Variants in SETBP1 observed in about 807,000 individuals in gnomAD.
SETBP1 encodes SET binding protein 1, also known as SET-binding protein.
In SETBP1, 9 loss-of-function variants were observed where a neutral mutation model predicts 101.0. The ratio of observed to expected loss-of-function variants is 0.09; its 90% CI spans 0.05 to 0.16. SETBP1 has a LOEUF of 0.16. SETBP1 is among the 10% of genes least tolerant of loss of function. SETBP1 has a pLI of 1.00. For synonymous variants in SETBP1, 818 were observed against 788.5 expected (o/e 1.04, Z -0.63); for missense variants, 1,858 against 2,033.8 (o/e 0.91, Z 1.66).
At chr18:44,777,376 C>T (rs2071026570) in intron 2 of SETBP1, among the ~76,000 whole-genome samples, 1 of 152,240 alleles carries the variant, frequency 6.6e-6, no homozygotes, top group Admixed American at 6.5e-5. Context: ...TTCTCTGAAA[C>T]TCAGAGTCAA....
intron 3 of SETBP1, among the ~76,000 whole-genome samples, chr18:44,890,654 C>A (rs1165079813): frequency 1.3e-5 from 2 of 152,060 alleles, no homozygotes; most frequent in East Asian, 1.9e-4. Context: ...AAGAAGGTGA[C>A]CTGTGGACTA....
intron 3 of SETBP1, among the ~76,000 whole-genome samples, chr18:44,898,626 T>C (rs1314375917): frequency 6.6e-6 from 1 of 152,148 alleles, no homozygotes. Flanking sequence ...CTTCTCCCAG[T>C]CTTCATGAAA....
chr18:44,739,122 A>C (rs2070043946), intron 2 of SETBP1, among the ~76,000 whole-genome samples: 1 of 152,086 alleles, frequency 6.6e-6, no homozygotes, highest in African/African-American at 2.4e-5. Flanking sequence ...GGTTCTACCT[A>C]TTCTGTTTGC....
Position 44,701,561 on chromosome 18 carries a change from A to G in SETBP1, c.215A>G (p.Asn72Ser), listed in dbSNP as rs1015494029. Residue 72 changes from asparagine (N) to serine (S), a missense_variant, in exon 2 of 6, where the codon AAC becomes AGC. By Grantham distance (46) the Asn-to-Ser change is conservative (BLOSUM62 1). Around this residue, in one of 12 missense-constraint regions of SETBP1, gnomAD observed 97 missense variants for 101.2 expected, o/e 0.96. Coordinates refer to ENST00000649279, the MANE Select transcript of SETBP1 (RefSeq NM_015559.3). ...ELGSGRDVDS[N>S]SNADSEKWVA... ...GGCTCAGGGCGGGATGTGGATTCCA[A>G]CTCCAACGCGGACAGTGAGAAATGG... 1.9e-6 allele frequency: 3 copies of G among 1,613,898 alleles called. No homozygotes were observed. Among genetic ancestry groups the G allele is most frequent in the African/African-American group, 2.7e-5 (2 of 74,876 alleles).
intron 2 of SETBP1, among the ~76,000 whole-genome samples, chr18:44,846,055 A>C (rs926968385): frequency 6.6e-6 from 1 of 152,118 alleles, no homozygotes; most frequent in African/African-American, 2.4e-5. Context: ...CCTCATGTTG[A>C]AATGGAAAAC....
chr18:44,878,464 T>C (rs2069459267), intron 3 of SETBP1, among the ~76,000 whole-genome samples: 1 of 152,222 alleles, frequency 6.6e-6, no homozygotes, highest in African/African-American at 2.4e-5. Flanking sequence ...TGTCTGTGTT[T>C]ATTACTAGAT....
intron 4 of SETBP1, among the ~76,000 whole-genome samples, chr18:45,020,302 TCTC>T (rs2073033405): frequency 7.9e-6 from 1 of 127,214 alleles, no homozygotes; most frequent in African/African-American, 3.0e-5. Flanking sequence ...AAAAGTGGCT[TCTC>T]CTCGAAGGCA....
chr18:44,944,472 T>C (rs2071157171), intron 3 of SETBP1, among the ~76,000 whole-genome samples: 1 of 152,206 alleles, frequency 6.6e-6, no homozygotes, highest in Admixed American at 6.5e-5. Flanking sequence ...TTAAAATGCA[T>C]ATGCCTCATT....
intron 3 of SETBP1, among the ~76,000 whole-genome samples, chr18:44,918,497 A>G (rs1286264797): frequency 6.6e-6 from 1 of 152,368 alleles, no homozygotes; most frequent in South Asian, 2.1e-4. Context: ...CCATTGGACT[A>G]TCAAGAAATG....
chr18:44,861,181 T>C (rs567344438), intron 2 of SETBP1, among the ~76,000 whole-genome samples: 1 of 151,718 alleles, frequency 6.6e-6, no homozygotes, highest in African/African-American at 2.4e-5. Flanking sequence ...CAGGGCTTCT[T>C]AGCGCACAGT....
chr18:44,715,187 T>C (rs2069436031), intron 2 of SETBP1, among the ~76,000 whole-genome samples: 1 of 152,220 alleles, frequency 6.6e-6, no homozygotes. Flanking sequence ...ACCTGGTTGT[T>C]TCTGCTGCTT....
intron 2 of SETBP1, among the ~76,000 whole-genome samples, chr18:44,742,511 T>C (rs930486745): frequency 8.5e-5 from 13 of 152,222 alleles, no homozygotes; most frequent in Non-Finnish European, 1.8e-4. Context: ...TTGCTTTTCA[T>C]GATTTGACCA....
intron 2 of SETBP1, among the ~76,000 whole-genome samples, chr18:44,856,803 A>T (rs192623695): frequency 6.6e-6 from 1 of 152,250 alleles, no homozygotes; most frequent in Non-Finnish European, 1.5e-5. Flanking sequence ...TGCTGTTAAC[A>T]TGCACATGTC....
intron 1 of SETBP1, among the ~76,000 whole-genome samples, chr18:44,682,202 T>C (rs1312087332): frequency 6.6e-6 from 1 of 152,208 alleles, no homozygotes; most frequent in Admixed American, 6.5e-5. Context: ...TAGGTATATC[T>C]CCTGTGCCCC....
chr18:45,009,749 G>A (rs10502850), intron 4 of SETBP1, among the ~76,000 whole-genome samples: 7,340 of 152,240 alleles, frequency 0.048, 207 homozygotes, highest in South Asian at 0.11. Context: ...TCTGTTTGAT[G>A]TGCAGACTGA....
chr18:44,748,277 A>G (rs1302612051), intron 2 of SETBP1, among the ~76,000 whole-genome samples: 3 of 152,224 alleles, frequency 2.0e-5, no homozygotes, highest in Non-Finnish European at 4.4e-5. Flanking sequence ...GGGTGCAAAT[A>G]TATTTCTCAG....
chr18:44,688,335 G>A (rs1374834233), intron 1 of SETBP1, among the ~76,000 whole-genome samples: 1 of 152,160 alleles, frequency 6.6e-6, no homozygotes, highest in African/African-American at 2.4e-5. Flanking sequence ...TGAATTTGAT[G>A]GAACCAACTT....
intron 2 of SETBP1, among the ~76,000 whole-genome samples, chr18:44,788,026 G>T (rs970867143): frequency 2.7e-5 from 4 of 150,416 alleles, no homozygotes; most frequent in Non-Finnish European, 4.4e-5. Context: ...TTCACAATAG[G>T]AGCAGAGCTA....
chr18:45,005,793 C>T (rs1049810021), intron 4 of SETBP1, among the ~76,000 whole-genome samples: 4 of 149,866 alleles, frequency 2.7e-5, no homozygotes, highest in Non-Finnish European at 5.9e-5. Flanking sequence ...ACTACAGGCG[C>T]CTGCCACCAC....
Sources: allele counts gnomAD v4.1 joint callset (sites outside exome capture counted in the v4.1 genomes callset), GRCh38; gene constraint gnomAD v4.1.1; regional missense constraint gnomAD v4.1.1; transcripts MANE v1.5; gene names NCBI Gene and HGNC (gene_info 2026-07-23, HGNC 2026-07-21).